The following METTL21A variants were observed in gnomAD, a reference collection of about 807,000 sequenced individuals.
METTL21A encodes the protein protein N-lysine methyltransferase METTL21A.
In METTL21A, 22 loss-of-function variants were observed where a neutral mutation model predicts 20.9. That is an observed-to-expected ratio of 1.05 (90% CI 0.75 to 1.50). The LOEUF (loss-of-function observed/expected upper bound fraction) is 1.50, where lower values mean the gene tolerates loss of function less well. Ranked by LOEUF, METTL21A falls within the 40% of genes most tolerant of loss-of-function variation. The pLI is 0.00. For synonymous variants in METTL21A, 93 were observed against 102.0 expected, an observed-to-expected ratio of 0.91 and a Z score of 0.53; for missense variants, 271 against 266.8, an observed-to-expected ratio of 1.02 and a Z score of -0.11.
intron 2 of METTL21A, among the ~76,000 whole-genome samples, chr2:207,622,185 G>C (rs1284579185): frequency 7.6e-6 from 1 of 130,810 alleles, no homozygotes; most frequent in African/African-American, 2.9e-5. Flanking sequence ...TTTTTTTTGA[G>C]ATGGAGTCTC....
chr2:207,599,473 C>T (rs2086691519), intron 3 of METTL21A: 1 of 196,346 alleles, frequency 5.1e-6, no homozygotes, highest in Admixed American at 6.1e-5. Context: ...TCCTCTTAGT[C>T]CCTGATAAAT....
At chr2:207,607,530 TGTTCA>T (rs1012902971), downstream of METTL21A, among the ~76,000 whole-genome samples, 9 of 150,926 alleles carry the variant, frequency 6.0e-5, no homozygotes, top group South Asian at 2.1e-4. Flanking sequence ...TGCAATCTAG[TGTTCA>T]GTTAACAGAT....
exon 4 of METTL21A, chr2:207,581,975 G>A (rs1289570286): frequency 2.9e-6 from 2 of 701,698 alleles, no homozygotes; most frequent in South Asian, 1.5e-5. Flanking sequence ...AATAGGTTTT[G>A]GGGAGGAATT....
chr2:207,588,392 T>G (rs2084288897), intron 3 of METTL21A, among the ~76,000 whole-genome samples: 1 of 152,208 alleles, frequency 6.6e-6, no homozygotes, highest in Non-Finnish European at 1.5e-5. Flanking sequence ...CCATTGATCT[T>G]TGTGTCTGTC....
At chr2:207,602,068 A>ATCTG (rs1307750118) in intron 3 of METTL21A, 1 of 204,770 alleles carries the variant, frequency 4.9e-6, no homozygotes, top group Non-Finnish European at 1.0e-5. Flanking sequence ...CTGAAGTTCC[A>ATCTG]TCTGTCTCAT....
intron 3 of METTL21A, chr2:207,597,580 T>C (rs752310037): frequency 3.3e-4 from 68 of 209,210 alleles, no homozygotes; most frequent in Non-Finnish European, 5.8e-5. Flanking sequence ...ACATACCCTC[T>C]AAAAAAGAAC....
intron 3 of METTL21A, among the ~76,000 whole-genome samples, chr2:207,617,588 T>C (rs1366949426): frequency 1.3e-5 from 2 of 152,226 alleles, no homozygotes; most frequent in Non-Finnish European, 2.9e-5. Context: ...AAAGCCTTAC[T>C]AAGACGCCTG....
At chr2:207,621,808 A>T in exon 3 of METTL21A, 1 of 1,613,728 alleles carries the variant, frequency 6.2e-7, no homozygotes, top group Non-Finnish European at 8.5e-7. Context: ...ACACTCACCC[A>T]GCAGGGCAGC....
intron 3 of METTL21A, among the ~76,000 whole-genome samples, chr2:207,592,332 G>A (rs144025150): frequency 1.2e-3 from 176 of 152,188 alleles, no homozygotes; most frequent in Non-Finnish European, 2.0e-3. Flanking sequence ...ACTTAAACCC[G>A]GGAGGCAGAG....
intron 3 of METTL21A, chr2:207,599,165 A>C: frequency 5.1e-6 from 1 of 197,680 alleles, no homozygotes; most frequent in Non-Finnish European, 1.0e-5. Flanking sequence ...ATTCTCAAGA[A>C]GGCTTTCAAA....
At chr2:207,583,417 A>G (rs562292356) in intron 3 of METTL21A, among the ~76,000 whole-genome samples, 2 of 152,346 alleles carry the variant, frequency 1.3e-5, no homozygotes, top group East Asian at 1.9e-4. Flanking sequence ...TAAATCTACT[A>G]TACATACAGA....
intron 3 of METTL21A, among the ~76,000 whole-genome samples, chr2:207,616,171 C>A (rs2089711771): frequency 6.6e-6 from 1 of 151,690 alleles, no homozygotes; most frequent in South Asian, 2.1e-4. Flanking sequence ...CAGAGCGAGA[C>A]CCTATCTCTT....
chr2:207,624,186 T>C, intron 2 of METTL21A, 43 bp downstream of exon 2: 1 of 1,539,984 alleles, frequency 6.5e-7, no homozygotes, highest in East Asian at 2.3e-5. Flanking sequence ...AAGCCAGTCT[T>C]GCAAGTGTGA....
chr2:207,602,329 C>T, intron 3 of METTL21A: 1 of 198,936 alleles, frequency 5.0e-6, no homozygotes, highest in Admixed American at 6.0e-5. Flanking sequence ...AAAATACTGA[C>T]CTGTCTGCAT....
At chr2:207,614,656 C>A (rs2089452260) in intron 3 of METTL21A, among the ~76,000 whole-genome samples, 1 of 152,072 alleles carries the variant, frequency 6.6e-6, no homozygotes, top group South Asian at 2.1e-4. Context: ...TTTCTACACA[C>A]AGTGTAGAAA....
intron 3 of METTL21A, among the ~76,000 whole-genome samples, chr2:207,586,495 A>G (rs2083866040): frequency 2.6e-5 from 4 of 152,364 alleles, no homozygotes; most frequent in African/African-American, 9.6e-5. Context: ...GCTTCCTGAC[A>G]TTAGACTTGG....
At chr2:207,625,352 C>G (rs1006566899) in exon 1 of METTL21A, 25 of 152,110 alleles carry the variant, frequency 1.6e-4, no homozygotes, top group African/African-American at 5.8e-4. Context: ...AAAGAGCCCG[C>G]GACGCGGGGG....
intron 3 of METTL21A, among the ~76,000 whole-genome samples, chr2:207,583,702 CTT>C (rs562664035): frequency 2.0e-4 from 30 of 152,174 alleles, no homozygotes; most frequent in Non-Finnish European, 3.5e-4. Context: ...TAAGTTCACT[CTT>C]TGTGCTGTAT....
chr2:207,598,152 CTA>C (rs1285836640), intron 3 of METTL21A: 1 of 180,396 alleles, frequency 5.5e-6, no homozygotes, highest in Admixed American at 6.3e-5. Flanking sequence ...CAGAGAATCT[CTA>C]GTGAATTTTT....
Sources: gnomAD v4.1 joint callset for allele counts (sites outside exome capture counted in the v4.1 genomes callset) on GRCh38, gnomAD v4.1.1 for gene constraint, MANE v1.5 for transcripts, NCBI Gene and HGNC (gene_info 2026-07-23, HGNC 2026-07-21) for gene names.